Variants in CSMD1 observed in about 807,000 individuals in gnomAD.
The protein encoded by CSMD1 is CUB and sushi domain-containing protein 1.
Under a neutral mutation model 417.5 loss-of-function variants are expected in CSMD1, and 213 were observed. That is an observed-to-expected ratio of 0.51 (90% confidence interval 0.46 to 0.57). The LOEUF is 0.57. Among genes scored for constraint, CSMD1 ranks in the 20% least tolerant of loss-of-function variants. The pLI is 0.00. For synonymous variants in CSMD1, 2,862 were observed against 1,736.8 expected (o/e 1.65, Z -16.11); for missense variants, 6,923 against 4,529.7 (o/e 1.53, Z -15.17).
At chr8:4,299,487 T>C (rs117614209) in intron 3 of CSMD1, among the ~76,000 whole-genome samples, 93 of 152,310 alleles carry the variant, frequency 6.1e-4, no homozygotes, top group Non-Finnish European at 1.2e-3. Context: ...ACTTACTCAA[T>C]AGCCATCATG....
intron 2 of CSMD1, among the ~76,000 whole-genome samples, chr8:4,527,291 G>A (rs929672538): frequency 1.3e-5 from 2 of 152,126 alleles, no homozygotes; most frequent in African/African-American, 4.8e-5. Context: ...TCAGGAATGA[G>A]CTGTGTAGCT....
At chr8:3,250,141 T>C (rs1800157913) in intron 26 of CSMD1, among the ~76,000 whole-genome samples, 1 of 152,222 alleles carries the variant, frequency 6.6e-6, no homozygotes, top group Non-Finnish European at 1.5e-5. Context: ...ATGTGCCGTG[T>C]TGGTGTGGTA....
intron 38 of CSMD1, among the ~76,000 whole-genome samples, chr8:3,161,593 A>T (rs761324991): frequency 2.0e-5 from 3 of 147,502 alleles, no homozygotes; most frequent in Non-Finnish European, 4.5e-5. Flanking sequence ...GCTGCACTCC[A>T]GCCTGGGTGA....
At chr8:3,016,090 A>T (rs1808801339) in intron 52 of CSMD1, among the ~76,000 whole-genome samples, 1 of 152,194 alleles carries the variant, frequency 6.6e-6, no homozygotes, top group South Asian at 2.1e-4. Context: ...TCTTATCTGC[A>T]GGTCGAAGGA....
intron 5 of CSMD1, among the ~76,000 whole-genome samples, chr8:3,877,207 G>A (rs1046691341): frequency 6.6e-6 from 1 of 152,068 alleles, no homozygotes; most frequent in African/African-American, 2.4e-5. Context: ...TGGACACTGG[G>A]CTCAGCACCC....
At chr8:4,964,884 T>C (rs973349494) in intron 1 of CSMD1, among the ~76,000 whole-genome samples, 6 of 152,186 alleles carry the variant, frequency 3.9e-5, no homozygotes, top group Admixed American at 6.5e-5. Flanking sequence ...TTGATGGTTC[T>C]GGAGCGGAGT....
intron 3 of CSMD1, among the ~76,000 whole-genome samples, chr8:4,260,531 C>T (rs916160237): frequency 5.9e-5 from 9 of 152,228 alleles, no homozygotes; most frequent in South Asian, 4.1e-4. Flanking sequence ...AAATGGCAAG[C>T]ACATAGCCAG....
chr8:4,574,019 C>A (rs1240495389), intron 2 of CSMD1, among the ~76,000 whole-genome samples: 2 of 152,182 alleles, frequency 1.3e-5, no homozygotes, highest in African/African-American at 4.8e-5. Context: ...GCTGTGCTGG[C>A]AGCCAGAATT....
intron 38 of CSMD1, among the ~76,000 whole-genome samples, chr8:3,159,541 T>G (rs553662025): frequency 1.3e-4 from 20 of 152,352 alleles, no homozygotes; most frequent in African/African-American, 4.3e-4. Context: ...ATGCTTTTCA[T>G]GACTAATATG....
chr8:4,438,913 A>G lies in CSMD1; in HGVS notation c.303-18848T>C, dbSNP rs543820767. 3.9e-5 allele frequency among the ~76,000 whole-genome samples: 6 copies of G among 152,366 alleles called. 1 individual carries two copies. In the South Asian group the frequency reaches 6.2e-4, roughly 16 times the overall value. ...AAAGACCAACGGAGTTTAAGTATGC[A>G]TAAGTAACAATATATGGTGTAGGAT... is the stretch of plus-strand genomic sequence containing the variant. On this transcript the variant is annotated intron_variant, in intron 2 of 69. Coordinates refer to ENST00000635120, the MANE Select transcript of CSMD1 (RefSeq NM_033225.6).
chr8:3,967,443 A>G (rs930534114), intron 5 of CSMD1, among the ~76,000 whole-genome samples: 1 of 112,436 alleles, frequency 8.9e-6, no homozygotes, highest in African/African-American at 3.8e-5. Context: ...CTCATTCAGG[A>G]TCTTTGCTAA....
chr8:2,946,632 A>C (rs1802259605), intron 68 of CSMD1, among the ~76,000 whole-genome samples: 1 of 152,146 alleles, frequency 6.6e-6, no homozygotes, highest in African/African-American at 2.4e-5. Flanking sequence ...TTGTTTATTC[A>C]TTCATCCATT....
At chr8:4,547,731 T>C (rs1797695957) in intron 2 of CSMD1, among the ~76,000 whole-genome samples, 2 of 152,206 alleles carry the variant, frequency 1.3e-5, no homozygotes, top group Non-Finnish European at 2.9e-5. Context: ...TATAAGCAGA[T>C]GATTCTGATA....
intron 2 of CSMD1, among the ~76,000 whole-genome samples, chr8:4,630,064 T>A (rs1413099528): frequency 6.6e-6 from 1 of 152,174 alleles, no homozygotes; most frequent in Non-Finnish European, 1.5e-5. Flanking sequence ...GATATGGAAG[T>A]GAACCATCCG....
At chr8:4,225,618 T>G (rs1242842372) in intron 3 of CSMD1, among the ~76,000 whole-genome samples, 6 of 152,116 alleles carry the variant, frequency 3.9e-5, no homozygotes, top group Non-Finnish European at 8.8e-5. Flanking sequence ...TGTTGTCCAT[T>G]TTCCTGTCTG....
chr8:4,960,534 C>T (rs1304916444), intron 1 of CSMD1, among the ~76,000 whole-genome samples: 5 of 152,138 alleles, frequency 3.3e-5, no homozygotes, highest in African/African-American at 1.2e-4. Flanking sequence ...AAGTTAAGCG[C>T]TTGTACATCT....
intron 10 of CSMD1, among the ~76,000 whole-genome samples, chr8:3,543,359 T>C (rs1446541530): frequency 2.0e-5 from 3 of 152,140 alleles, no homozygotes; most frequent in Non-Finnish European, 4.4e-5. Flanking sequence ...AAACTAGAGA[T>C]ATAAACTGAC....
intron 39 of CSMD1, 114 bp downstream of exon 39, chr8:3,157,783 C>A (rs1178180615): frequency 4.9e-6 from 4 of 815,244 alleles, no homozygotes; most frequent in African/African-American, 3.4e-5. Context: ...TAGTATATAA[C>A]ACGTGTTTTG....
intron 2 of CSMD1, among the ~76,000 whole-genome samples, chr8:4,484,692 G>A (rs540788655): frequency 2.1e-4 from 32 of 152,116 alleles, no homozygotes; most frequent in African/African-American, 6.3e-4. Context: ...AAAAGTCACC[G>A]GGCACGATGG....
Sources: allele counts gnomAD v4.1 joint callset (sites outside exome capture counted in the v4.1 genomes callset), GRCh38; gene constraint gnomAD v4.1.1; transcripts MANE v1.5; gene names NCBI Gene and HGNC (gene_info 2026-07-23, HGNC 2026-07-21).